Variants in NLGN4X observed in about 807,000 individuals in gnomAD.
The protein encoded by NLGN4X is neuroligin 4 X-linked, also known as neuroligin-4, X-linked.
In NLGN4X, 3 loss-of-function variants were observed where a neutral mutation model predicts 40.3. The observed-to-expected ratio is 0.07, with a 90% CI of 0.03 to 0.19. NLGN4X has a LOEUF of 0.19. Among genes scored for constraint, NLGN4X ranks in the 10% least tolerant of loss-of-function variants. NLGN4X has a pLI of 1.00. For synonymous variants in NLGN4X, 270 were observed against 306.8 expected (o/e 0.88, Z 1.25); for missense variants, 382 against 708.3 (o/e 0.54, Z 5.23).
At chrX:5,958,034 A>T (rs143751661) in intron 3 of NLGN4X, among the ~76,000 whole-genome samples, 5,110 of 111,629 alleles carry the variant, frequency 0.046, 280 homozygotes, top group African/African-American at 0.16. Context: ...ATTTAATATA[A>T]AAAGTTGTCA....
intron 2 of NLGN4X, among the ~76,000 whole-genome samples, chrX:6,087,830 T>C (rs1224639971): frequency 3.6e-5 from 4 of 112,443 alleles, no homozygotes; most frequent in Non-Finnish European, 7.5e-5. Context: ...TAAAGTTGAT[T>C]TCACTTTCTT....
intron 2 of NLGN4X, among the ~76,000 whole-genome samples, chrX:6,106,434 T>C (rs1242650413): frequency 9.0e-6 from 1 of 111,507 alleles, no homozygotes; most frequent in Admixed American, 9.5e-5. Context: ...ATGTGAACAG[T>C]TAATTAGACA....
intron 1 of NLGN4X, among the ~76,000 whole-genome samples, chrX:6,222,593 G>A (rs1311206992): frequency 8.9e-6 from 1 of 112,060 alleles, no homozygotes; most frequent in Non-Finnish European, 1.9e-5. Flanking sequence ...GGACCTAAAT[G>A]TTCATTGTAC....
intron 2 of NLGN4X, among the ~76,000 whole-genome samples, chrX:6,095,202 TG>T (rs2038742650): frequency 9.2e-6 from 1 of 108,874 alleles, no homozygotes; most frequent in Non-Finnish European, 1.9e-5. Flanking sequence ...ATTCCAGCTT[TG>T]GGTAGACTCT....
At chrX:5,914,355 A>G (rs1344661520) in intron 3 of NLGN4X, among the ~76,000 whole-genome samples, 2 of 111,500 alleles carry the variant, frequency 1.8e-5, no homozygotes, top group Non-Finnish European at 3.8e-5. Context: ...TTGTTTCTCC[A>G]TGCACTGCAA....
intron 4 of NLGN4X, among the ~76,000 whole-genome samples, chrX:5,906,026 G>A (rs558088460): frequency 9.0e-5 from 10 of 111,376 alleles, no homozygotes; most frequent in South Asian, 7.6e-4. Context: ...AGAAATGACC[G>A]ATGCAAAAGT....
intron 3 of NLGN4X, among the ~76,000 whole-genome samples, chrX:5,944,040 C>T (rs973732062): frequency 8.9e-6 from 1 of 112,083 alleles, no homozygotes; most frequent in Non-Finnish European, 1.9e-5. Flanking sequence ...CTGGAATGAA[C>T]AAGGGTAGCT....
chrX:5,910,758 CAAT>C (rs2032439447), intron 3 of NLGN4X, among the ~76,000 whole-genome samples: 1 of 111,511 alleles, frequency 9.0e-6, no homozygotes, highest in Non-Finnish European at 1.9e-5. Context: ...TTTCGTTCAA[CAAT>C]GACAATAAAA....
chrX:5,910,497 A>G (rs1456651662), intron 3 of NLGN4X, among the ~76,000 whole-genome samples: 1 of 111,381 alleles, frequency 9.0e-6, no homozygotes, highest in African/African-American at 3.3e-5. Context: ...GTATGAAGAC[A>G]GGCTGCTTTA....
intron 1 of NLGN4X, among the ~76,000 whole-genome samples, chrX:6,198,045 C>G (rs1923277225): frequency 9.6e-6 from 1 of 104,503 alleles, no homozygotes; most frequent in Non-Finnish European, 1.9e-5. Context: ...CCCTGGGTGA[C>G]AGAGTGAAGC....
At chrX:6,042,854 T>C (rs1180846082) in intron 2 of NLGN4X, among the ~76,000 whole-genome samples, 1 of 102,760 alleles carries the variant, frequency 9.7e-6, no homozygotes, top group Non-Finnish European at 2.0e-5. Context: ...GGCAGGCAGA[T>C]CACCTGAGGC....
intron 3 of NLGN4X, among the ~76,000 whole-genome samples, chrX:5,990,848 C>T (rs2035663054): frequency 1.8e-5 from 2 of 111,660 alleles, no homozygotes; most frequent in Admixed American, 9.5e-5. Flanking sequence ...ATAGGCACAC[C>T]TCTAGCCAGG....
intron 3 of NLGN4X, among the ~76,000 whole-genome samples, chrX:5,937,066 T>TC (rs1447583153): frequency 4.5e-5 from 5 of 110,953 alleles, no homozygotes; most frequent in African/African-American, 1.3e-4. Context: ...TCTCTCTCTC[T>TC]TACACATAGT....
At chrX:6,083,807 A>T (rs903591072) in intron 2 of NLGN4X, among the ~76,000 whole-genome samples, 11 of 112,202 alleles carry the variant, frequency 9.8e-5, no homozygotes, top group Non-Finnish European at 1.5e-4. Context: ...GCATCTCTTA[A>T]TATTTGAATG....
chrX:5,979,638 T>A (rs767429466), intron 3 of NLGN4X, among the ~76,000 whole-genome samples: 4 of 109,877 alleles, frequency 3.6e-5, no homozygotes, highest in Non-Finnish European at 7.6e-5. Flanking sequence ...GTCATATGTA[T>A]GTTTTCCTAG....
chrX:6,020,334 T>G (rs1343139844), intron 3 of NLGN4X, among the ~76,000 whole-genome samples: 1 of 111,983 alleles, frequency 8.9e-6, no homozygotes, highest in African/African-American at 3.2e-5. Flanking sequence ...TTATGTTAAG[T>G]GATACAAGCC....
rs773361653 is a variant in NLGN4X at position 6,054,752 on chromosome X, G to T, written c.473-25320C>A. On this transcript the variant is annotated intron_variant, in intron 2 of 5. Coordinates refer to ENST00000381095, the MANE Select transcript of NLGN4X (RefSeq NM_181332.3). Reference sequence around the variant, plus strand: ...GGCTCACTGCAACCTCCATCTCCCGGGTTCAAGCAATTCTCCTGCCTCAGC... The same window carrying T: ...GGCTCACTGCAACCTCCATCTCCCGTGTTCAAGCAATTCTCCTGCCTCAGC... Among the ~76,000 whole-genome samples, 12 of 111,108 alleles carry T rather than the reference G, an allele frequency of 1.1e-4. No individual in the cohort carries two copies. The South Asian group carries it at 4.2e-3, about 39-fold the overall frequency.
chrX:6,041,761 CATATA>C (rs959881310), intron 2 of NLGN4X, among the ~76,000 whole-genome samples: 10 of 112,595 alleles, frequency 8.9e-5, no homozygotes, highest in African/African-American at 2.9e-4. Context: ...ATATTCAGCA[CATATA>C]ATATAAGTTA....
At chrX:6,156,682 G>A (rs1297799221) in intron 1 of NLGN4X, among the ~76,000 whole-genome samples, 7 of 110,545 alleles carry the variant, frequency 6.3e-5, no homozygotes, top group Non-Finnish European at 1.1e-4. Flanking sequence ...TGGACATAAA[G>A]CAATAACAAA....
Sources: gnomAD v4.1 joint callset for allele counts (sites outside exome capture counted in the v4.1 genomes callset) on GRCh38, gnomAD v4.1.1 for gene constraint, MANE v1.5 for transcripts, NCBI Gene and HGNC (gene_info 2026-07-23, HGNC 2026-07-21) for gene names.